The following RPL13 variants were observed in gnomAD, a reference collection of about 807,000 sequenced individuals.
The protein encoded by RPL13 is ribosomal protein L13, also known as large ribosomal subunit protein eL13.
In RPL13, 1 loss-of-function variant was observed where a neutral mutation model predicts 21.4. The ratio of observed to expected loss-of-function variants is 0.05; its 90% confidence interval spans 0.02 to 0.22. The LOEUF (loss-of-function observed/expected upper bound fraction) is 0.22, where lower values mean the gene tolerates loss of function less well. RPL13 is among the 10% of genes least tolerant of loss of function. The pLI, the probability that RPL13 is intolerant of heterozygous loss-of-function variation, is 1.00. For missense variants in RPL13, 289 were observed against 303.0 expected (o/e 0.95, Z 0.34); for synonymous variants, 143 against 120.5 (o/e 1.19, Z -1.23).
chr16:89,566,372 T>C (rs1001467406), downstream of RPL13: 4 of 144,558 alleles, frequency 2.8e-5, no homozygotes, highest in Non-Finnish European at 6.1e-5. Flanking sequence ...TGGCCCGAGC[T>C]AAAGGGGAAG....
intron 1 of RPL13, 39 bp from the exon 2 acceptor site, chr16:89,560,901 C>T (rs1176076969): frequency 5.4e-6 from 8 of 1,480,340 alleles, no homozygotes; most frequent in South Asian, 1.2e-5. Flanking sequence ...TGCGCGCGCC[C>T]GGGGTCCGGC....
At chr16:89,562,522 C>T (rs1005520591) in intron 5 of RPL13, 131 bp downstream of exon 5, 7 of 769,714 alleles carry the variant, frequency 9.1e-6, no homozygotes, top group East Asian at 8.9e-5. Context: ...TGGAGGTTTG[C>T]GGAAAGGAAC....
intron 4 of RPL13, chr16:89,562,124 T>G (rs541815561): frequency 1.1e-4 from 68 of 613,734 alleles, no homozygotes; most frequent in Non-Finnish European, 1.8e-4. Context: ...GGTAGATAAC[T>G]GTCTCGTGCG....
chr16:89,562,198 C>T (rs1597675646), intron 4 of RPL13, 137 bp from the exon 5 acceptor site: 1 of 772,122 alleles, frequency 1.3e-6, no homozygotes, highest in South Asian at 1.6e-5. Flanking sequence ...ACATTGGGGC[C>T]ACAAAGTGTG....
chr16:89,562,021 C>A (rs1313803135), intron 4 of RPL13: 2 of 589,474 alleles, frequency 3.4e-6, no homozygotes, highest in Non-Finnish European at 5.9e-6. Context: ...TCTAGAAAGA[C>A]CTTGTAGGAT....
At position 89,564,262 on chromosome 16, in the gene RPL13, A is replaced by C. The variant is rs372208881; in HGVS notation, c.*1220A>C. 4.3e-4 allele frequency: 65 copies of C among 152,250 alleles called. 2 individuals carry two copies. The highest frequency in any genetic ancestry group is 1.3e-3 in the African/African-American group (53 of 41,570). 9.4% of individuals were successfully genotyped at this position (152,250 alleles called of 1,614,324 possible). A position where few individuals can be genotyped will look rare whatever the true frequency, so the allele number is the denominator to read the frequency against. On this transcript the variant is annotated 3_prime_UTR_variant, in exon 6 of 6. Coordinates refer to ENST00000311528, the MANE Select transcript of RPL13 (RefSeq NM_000977.4). Reference sequence around the variant, plus strand: ...TGCTGCTACCTCTGCTGCTGCACTCACAGCCACACTTGATACACGATGACA... The same window carrying C: ...TGCTGCTACCTCTGCTGCTGCACTCCCAGCCACACTTGATACACGATGACA...
downstream of RPL13, chr16:89,565,007 G>T (rs568008463): frequency 6.6e-6 from 1 of 152,304 alleles, no homozygotes; most frequent in East Asian, 1.9e-4. Flanking sequence ...CCGACTTGAC[G>T]GGAAGTCAGG....
At chr16:89,561,939 G>C in intron 4 of RPL13, 188 bp downstream of exon 4, 1 of 695,296 alleles carries the variant, frequency 1.4e-6, no homozygotes, top group Non-Finnish European at 2.3e-6. Context: ...GACATGGCAA[G>C]GCTGTGTGAC....
At chr16:89,560,771 C>T in intron 1 of RPL13, 59 bp downstream of exon 1, 2 of 533,168 alleles carry the variant, frequency 3.8e-6, no homozygotes, top group South Asian at 2.5e-5. Flanking sequence ...CCTGGCGCTT[C>T]AGCCAACGCG....
chr16:89,566,398 A>G (rs1028479417), downstream of RPL13: 2 of 151,836 alleles, frequency 1.3e-5, no homozygotes, highest in East Asian at 1.9e-4. Flanking sequence ...TGCGGATAGG[A>G]GCTGCACACA....
Position 89,560,710 on chromosome 16 carries a change from G to T in RPL13, c.-23G>T, listed in dbSNP as rs923835614. 14 of 436,740 alleles carry T rather than the reference G, an allele frequency of 3.2e-5. No homozygotes were observed. Among genetic ancestry groups the T allele is most frequent in the African/African-American group, 2.9e-4 (14 of 47,622 alleles). 27.1% of individuals were successfully genotyped at this position (436,740 alleles called of 1,614,324 possible). ...TCCGCTCGGCTGTTTTCCTGCGCAGGAGGTGAGGGAGACTGGGTCCTGGCC... is the reference window on the plus strand; with the variant it reads ...TCCGCTCGGCTGTTTTCCTGCGCAGTAGGTGAGGGAGACTGGGTCCTGGCC... On this transcript the variant is annotated splice_region_variant and 5_prime_UTR_variant, in exon 1 of 6. Coordinates refer to ENST00000311528, the MANE Select transcript of RPL13 (RefSeq NM_000977.4).
At chr16:89,562,233 T>G in intron 4 of RPL13, 102 bp from the exon 5 acceptor site, 1 of 1,082,310 alleles carries the variant, frequency 9.2e-7, no homozygotes, top group Non-Finnish European at 1.4e-6. Flanking sequence ...CAGACACTGG[T>G]CCTGAACACG....
Position 89,561,280 on chromosome 16 carries a change from G to A in RPL13, c.158G>A (p.Gly53Asp). ...CGCATCGCCCCGCGCCCCGCGTCGGGTCCCATCCGGCCCATCGTGCGCTGC... is the reference window on the plus strand; with the variant it reads ...CGCATCGCCCCGCGCCCCGCGTCGGATCCCATCCGGCCCATCGTGCGCTGC... ...ARRIAPRPAS[G>D]PIRPIVRCPT... The change falls in exon 3 of 6, where the codon GGT becomes GAT. Residue 53 changes from glycine to aspartate, a missense_variant. Transcript: ENST00000311528. 6.4e-7 allele frequency: 1 copy of A among 1,563,644 alleles called. No individual in the cohort carries two copies. The highest frequency in any genetic ancestry group is 8.6e-7 in the Non-Finnish European group (1 of 1,159,790).
At position 89,561,705 on chromosome 16, in the gene RPL13, T is replaced by C; in HGVS notation, c.374T>C (p.Ile125Thr). The stretch of plus-strand genomic sequence containing the variant: ...CTGAAGGAGTACCGCTCCAAACTCA[T>C]CCTCTTCCCCAGGAAGCCCTCGGCC... The part of the protein sequence containing the change: ...QRLKEYRSKL[I>T]LFPRKPSAPK... Residue 125 changes from isoleucine (I) to threonine (T), a missense_variant, in exon 4 of 6, where the codon ATC (isoleucine) becomes ACC (threonine). Transcript: ENST00000311528. The C allele has an allele frequency of 6.2e-7, 1 of 1,613,824 alleles. No homozygotes were observed. The highest frequency in any genetic ancestry group is 2.2e-5 in the East Asian group (1 of 44,876).
chr16:89,566,537 G>A (rs111880485), downstream of RPL13: 4,198 of 152,114 alleles, frequency 0.028, 190 homozygotes, highest in African/African-American at 0.095. Flanking sequence ...GGTCGCTCAC[G>A]CCTATAGTCT....
In RPL13 at chr16:89,562,258, A is replaced by T. The variant is rs1314414593; in HGVS notation, c.421-77A>T. 2.9e-6 allele frequency: 4 copies of T among 1,393,982 alleles called. No homozygotes were observed. The East Asian group carries it at 9.1e-5, about 32-fold the overall frequency. 86.4% of individuals were successfully genotyped at this position (1,393,982 alleles called of 1,614,324 possible). A position where few individuals can be genotyped will look rare whatever the true frequency, so the allele number is the denominator to read the frequency against. ...TCCTGAACACGGAATCCCCAGGGGAAAGTTTGGGGCCAGGTGAGGGTGGAG... is the reference window on the plus strand; with the variant it reads ...TCCTGAACACGGAATCCCCAGGGGATAGTTTGGGGCCAGGTGAGGGTGGAG... On this transcript the variant is annotated intron_variant, in intron 4 of 5. Transcript: ENST00000311528.
rs1025669883 is a variant in RPL13 at position 89,563,766 on chromosome 16, G to A, written c.*724G>A. On this transcript the variant is annotated 3_prime_UTR_variant, in exon 6 of 6. Transcript: ENST00000311528. ...TTAAGCAAAGCAGTTTCTAGTTAAT[G>A]TAGCATCTTGGACTTTGGGGCGTCA... is the stretch of plus-strand genomic sequence containing the variant. 3 of 152,162 alleles carry A rather than the reference G, an allele frequency of 2.0e-5. No individual in the cohort carries two copies. The highest frequency in any genetic ancestry group is 7.2e-5 in the African/African-American group (3 of 41,424). The allele number at this position is 152,162 out of a possible 1,614,324, so 9.4% of individuals were successfully genotyped here.
intron 5 of RPL13, 83 bp downstream of exon 5, chr16:89,562,474 G>A (rs748470792): frequency 1.5e-6 from 2 of 1,368,188 alleles, no homozygotes; most frequent in South Asian, 2.5e-5. Flanking sequence ...GGTGATGGGG[G>A]TCAGGCTTAA....
intron 5 of RPL13, 173 bp downstream of exon 5, chr16:89,562,564 T>C: frequency 1.6e-6 from 1 of 630,606 alleles, no homozygotes; most frequent in Non-Finnish European, 2.7e-6. Flanking sequence ...CTTGCAACCA[T>C]GAAGCCATAC....
Sources: allele counts gnomAD v4.1 joint callset, GRCh38; gene constraint gnomAD v4.1.1; transcripts MANE v1.5; gene names NCBI Gene and HGNC (gene_info 2026-07-23, HGNC 2026-07-21).